Variants in SH3TC2 observed in about 807,000 individuals in gnomAD.
SH3TC2 encodes the protein SH3 domain and tetratricopeptide repeat-containing protein 2.
Under a neutral mutation model 124.5 loss-of-function variants are expected in SH3TC2, and 87 were observed. That is an observed-to-expected ratio of 0.70 (90% CI 0.59 to 0.84). The LOEUF (loss-of-function observed/expected upper bound fraction) is 0.84, where lower values mean the gene tolerates loss of function less well. SH3TC2 is among the 40% of genes least tolerant of loss of function. The pLI is 0.00. For missense variants in SH3TC2, 1,536 were observed against 1,566.4 expected (o/e 0.98, Z 0.33); for synonymous variants, 634 against 628.5 (o/e 1.01, Z -0.13).
In SH3TC2 at chr5:148,995,049, G is replaced by T. The variant is rs966046862; in HGVS notation, c.*9662C>A. Reference sequence around the variant, plus strand: ...ATTCCATAGAACATTCATCACTGAAGGGATTTCCTGTGGTATTTGGTGCAA... The same window carrying T: ...ATTCCATAGAACATTCATCACTGAATGGATTTCCTGTGGTATTTGGTGCAA... On this transcript the variant is annotated 3_prime_UTR_variant, in exon 17 of 17. Transcript: ENST00000515425. Among the ~76,000 whole-genome samples, 2 of 152,132 alleles carry T rather than the reference G, an allele frequency of 1.3e-5. No individual in the cohort carries two copies. The highest frequency in any genetic ancestry group is 2.9e-5 in the Non-Finnish European group (2 of 68,026).
At chr5:149,008,593 T>C (rs912977029) in intron 15 of SH3TC2, 1 of 552,820 alleles carries the variant, frequency 1.8e-6, no homozygotes, top group Non-Finnish European at 3.2e-6. Flanking sequence ...GATTGTGCTA[T>C]GGCTGTTACA....
Position 149,026,441 on chromosome 5 carries a change from A to G in SH3TC2, c.3053+131T>C, listed in dbSNP as rs1754063744. On this transcript the variant is annotated intron_variant, in intron 12 of 16. Coordinates refer to ENST00000515425, the MANE Select transcript of SH3TC2 (RefSeq NM_024577.4). The stretch of plus-strand genomic sequence containing the variant: ...GTGATGGATGCATTGTGGTGGCTGC[A>G]GAGCCCTTGCTCTTTTGCACAAAGC... 9 of 1,077,348 alleles carry G rather than the reference A, an allele frequency of 8.4e-6. No homozygotes were observed. The South Asian group carries it at 1.1e-4, about 13-fold the overall frequency. 66.7% of individuals were successfully genotyped at this position (1,077,348 alleles called of 1,614,324 possible). A position where few individuals can be genotyped will look rare whatever the true frequency, so the allele number is the denominator to read the frequency against.
intron 4 of SH3TC2, among the ~76,000 whole-genome samples, chr5:149,043,225 C>A (rs1050876127): frequency 2.6e-5 from 4 of 152,148 alleles, no homozygotes; most frequent in Non-Finnish European, 5.9e-5. Context: ...GTTCAAACTA[C>A]TGTGTCCCTG....
At position 148,988,991 on chromosome 5, in the gene SH3TC2, A is replaced by G. The variant is rs1753379582; in HGVS notation, c.*15720T>C. 6.6e-6 allele frequency among the ~76,000 whole-genome samples: 1 copy of G among 152,232 alleles called. No individual in the cohort carries two copies. Among genetic ancestry groups the G allele is most frequent in the Non-Finnish European group, 1.5e-5 (1 of 68,048 alleles). On this transcript the variant is annotated 3_prime_UTR_variant, in exon 17 of 17. Coordinates refer to ENST00000515425, the MANE Select transcript of SH3TC2 (RefSeq NM_024577.4). The stretch of plus-strand genomic sequence containing the variant: ...TCTAGTTGTGCCCTACTGAGCCCAG[A>G]CATGAAGGAAATAAAAAAACAACCA...
In SH3TC2 at chr5:148,982,737, G is replaced by T. The variant is rs1323840020; in HGVS notation, c.*21974C>A. Among the ~76,000 whole-genome samples, 1 of 152,116 alleles carries T rather than the reference G, an allele frequency of 6.6e-6. No homozygotes were observed. Among genetic ancestry groups the T allele is most frequent in the African/African-American group, 2.4e-5 (1 of 41,426 alleles). ...AAAATATCCCTGGAAGAATACACAA[G>T]AAACTAATTTTTTAAATGTGGCCTA... is the stretch of plus-strand genomic sequence containing the variant. On this transcript the variant is annotated 3_prime_UTR_variant, in exon 17 of 17. Transcript: ENST00000515425.
chr5:149,006,721 T>C (rs979845882), intron 16 of SH3TC2, among the ~76,000 whole-genome samples, 160 bp downstream of exon 16: 5 of 152,176 alleles, frequency 3.3e-5, no homozygotes, highest in Admixed American at 1.3e-4. Flanking sequence ...AGAGCTTCCA[T>C]GTCCCCTGTA....
Position 149,027,334 on chromosome 5 carries a change from G to C in SH3TC2, c.2398C>G (p.Leu800Val), listed in dbSNP as rs764616291. 2 of 1,613,932 alleles carry C rather than the reference G, an allele frequency of 1.2e-6. No homozygotes were observed. The highest frequency in any genetic ancestry group is 1.1e-5 in the South Asian group (1 of 91,092). ...AAGAGATAGGCCCATGCCAGGCAGAGAGAAGACTCAAAGGATTCCTGCTCA... is the reference window on the plus strand; with the variant it reads ...AAGAGATAGGCCCATGCCAGGCAGACAGAAGACTCAAAGGATTCCTGCTCA... ...LGEQESFESSLCLAWAYLLAS... is the reference protein window; with the variant it reads ...LGEQESFESSVCLAWAYLLAS... The change falls in exon 11 of 17, where the codon CTC becomes GTC. Residue 800 changes from leucine (L) to valine (V), a missense_variant. Leu to Val is a conservative substitution (Grantham distance 32). Transcript: ENST00000515425.
intron 8 of SH3TC2, among the ~76,000 whole-genome samples, chr5:149,035,042 T>C (rs1754259750): frequency 6.6e-6 from 1 of 152,176 alleles, no homozygotes; most frequent in Non-Finnish European, 1.5e-5. Context: ...ATAGATACTC[T>C]ATGAAGAAGA....
intron 4 of SH3TC2, 152 bp from the exon 5 acceptor site, chr5:149,042,989 A>G (rs1754398415): frequency 1.2e-6 from 1 of 841,416 alleles, no homozygotes; most frequent in Non-Finnish European, 1.9e-6. Context: ...ATAAGAGGCA[A>G]AGCCAGACAT....
chr5:149,024,817 G>T (rs1471112008), intron 12 of SH3TC2, among the ~76,000 whole-genome samples: 2 of 152,108 alleles, frequency 1.3e-5, no homozygotes, highest in Non-Finnish European at 2.9e-5. Flanking sequence ...CTTAACTAAG[G>T]CCTCTGTGGT....
chr5:149,018,357 A>G (rs1456404713), intron 12 of SH3TC2, among the ~76,000 whole-genome samples: 2 of 151,790 alleles, frequency 1.3e-5, no homozygotes, highest in Non-Finnish European at 2.9e-5. Flanking sequence ...ATATTAGTCC[A>G]TTTTCCCACT....
intron 12 of SH3TC2, among the ~76,000 whole-genome samples, chr5:149,022,744 G>C (rs1337437153): frequency 1.3e-5 from 2 of 152,204 alleles, no homozygotes; most frequent in Non-Finnish European, 2.9e-5. Context: ...TGACAACATG[G>C]ATGAACCTTG....
chr5:149,008,890 C>T lies in SH3TC2; in HGVS notation c.3439G>A (p.Glu1147Lys). Residue 1147 changes from glutamate (E) to lysine (K), a missense_variant, in exon 15 of 17, where the codon GAA (glutamate) becomes AAA (lysine). This residue lies in a region of SH3TC2 where 426 missense variants were observed against 443.5 expected (regional missense o/e 0.96). Coordinates refer to ENST00000515425, the MANE Select transcript of SH3TC2 (RefSeq NM_024577.4). Reference protein sequence around the residue: ...ISLEGYEKALEFATLAARLST... With the variant: ...ISLEGYEKALKFATLAARLST... ...AGCCTGGCGGCCAGGGTGGCAAATT[C>T]CAAAGCCTTCTCATAGCCTTCGAGG... 1 of 1,614,186 alleles carries T rather than the reference C, an allele frequency of 6.2e-7. No homozygotes were observed. Among genetic ancestry groups the T allele is most frequent in the Non-Finnish European group, 8.5e-7 (1 of 1,180,038 alleles).
At position 149,026,576 on chromosome 5, in the gene SH3TC2, C is replaced by A. The variant is rs186029710; in HGVS notation, c.3049G>T (p.Ala1017Ser). 3.1e-6 allele frequency: 5 copies of A among 1,613,898 alleles called. No individual in the cohort carries two copies. Among genetic ancestry groups the A allele is most frequent in the Non-Finnish European group, 4.2e-6 (5 of 1,180,030 alleles). Residue 1017 changes from alanine (A) to serine (S), a missense_variant, in exon 12 of 17, where the codon GCC becomes TCC. Physicochemically the swap from Ala to Ser is moderately conservative, Grantham distance 99 (BLOSUM62 1). Around this residue, in one of 3 missense-constraint regions of SH3TC2, gnomAD observed 426 missense variants for 443.5 expected, o/e 0.96. Coordinates refer to ENST00000515425, the MANE Select transcript of SH3TC2 (RefSeq NM_024577.4). ...CAGTTCCTGACCCTGACTCACCTGG[C>A]GGTATTTAGGTTCCGATAAAGCTGC... ...LGQLYRNLNT[A>S]RSLRRSLTCI...
At chr5:149,039,086 T>C (rs558055664) in intron 7 of SH3TC2, among the ~76,000 whole-genome samples, 1 of 152,354 alleles carries the variant, frequency 6.6e-6, no homozygotes, top group Admixed American at 6.5e-5. Flanking sequence ...ACATTAGCCT[T>C]ATTACCACTG....
rs1486890555 is a variant in SH3TC2, at chr5:148,997,149, T to C, written c.*7562A>G. Among the ~76,000 whole-genome samples the C allele has an allele frequency of 6.6e-6, 1 of 152,204 alleles. No homozygotes were observed. The highest frequency in any genetic ancestry group is 1.5e-5 in the Non-Finnish European group (1 of 68,026). On this transcript the variant is annotated 3_prime_UTR_variant, in exon 17 of 17. Coordinates refer to ENST00000515425, the MANE Select transcript of SH3TC2 (RefSeq NM_024577.4). ...GTCAAAAGTAGGCTATTCTCTCATG[T>C]TCATGATCTTCCTTCTGCTACCACC...
intron 7 of SH3TC2, among the ~76,000 whole-genome samples, chr5:149,039,334 A>G (rs546463438): frequency 1.3e-5 from 2 of 152,296 alleles, no homozygotes; most frequent in Admixed American, 1.3e-4. Flanking sequence ...GAGAGAGGGT[A>G]TGAGATTTGT....
At chr5:149,055,795 C>T (rs1754636345) in intron 1 of SH3TC2, among the ~76,000 whole-genome samples, 1 of 152,176 alleles carries the variant, frequency 6.6e-6, no homozygotes, top group Non-Finnish European at 1.5e-5. Flanking sequence ...AATCTTAACA[C>T]AGCAAACCGG....
At chr5:149,014,970 C>T (rs1051728740) in intron 12 of SH3TC2, among the ~76,000 whole-genome samples, 3 of 152,166 alleles carry the variant, frequency 2.0e-5, no homozygotes, top group African/African-American at 7.2e-5. Flanking sequence ...CTGGGATGCC[C>T]TTGGGCTACT....
Sources: gnomAD v4.1 joint callset for allele counts (sites outside exome capture counted in the v4.1 genomes callset) on GRCh38, gnomAD v4.1.1 for gene constraint, gnomAD v4.1.1 regional missense constraint, MANE v1.5 for transcripts, NCBI Gene and HGNC (gene_info 2026-07-23, HGNC 2026-07-21) for gene names.